The following ZNF91 variants were observed in gnomAD, a reference collection of about 807,000 sequenced individuals.
The protein encoded by ZNF91 is zinc finger protein 91 (HPF7, HTF10).
In ZNF91, 7 loss-of-function variants were observed where a neutral mutation model predicts 12.6. The observed-to-expected ratio is 0.55, with a 90% CI of 0.31 to 1.04. The LOEUF is 1.04. ZNF91 is among the 50% of genes least tolerant of loss of function. The pLI, the probability that ZNF91 is intolerant of heterozygous loss-of-function variation, is 0.05. For missense variants in ZNF91, 1,217 were observed against 1,385.4 expected (o/e 0.88, Z 1.93); for synonymous variants, 453 against 462.6 (o/e 0.98, Z 0.27).
In ZNF91 at chr19:23,395,418, G is replaced by A. The variant is rs73567430; in HGVS notation, c.-64C>T. 1.9e-6 allele frequency: 3 copies of A among 1,594,882 alleles called. No individual in the cohort carries two copies. Among genetic ancestry groups the A allele is most frequent in the Non-Finnish European group, 2.6e-6 (3 of 1,167,054 alleles). Reference sequence around the variant, plus strand: ...CACACAGGCTGGGCCTCCTGGAGCAGAGGACACAGAGCAGTGAAGTCGAGA... The same window carrying A: ...CACACAGGCTGGGCCTCCTGGAGCAAAGGACACAGAGCAGTGAAGTCGAGA... On this transcript the variant is annotated 5_prime_UTR_variant, in exon 1 of 4. Coordinates refer to ENST00000300619, the MANE Select transcript of ZNF91 (RefSeq NM_003430.4).
At chr19:23,393,199 TG>T (rs1331865381) in intron 1 of ZNF91, among the ~76,000 whole-genome samples, 1 of 152,264 alleles carries the variant, frequency 6.6e-6, no homozygotes, top group East Asian at 1.9e-4. Flanking sequence ...AGTATCTGAT[TG>T]GCTGGCCAGC....
chr19:23,320,555 C>T (rs1967667433), intron 1 of ZNF91, among the ~76,000 whole-genome samples: 1 of 152,052 alleles, frequency 6.6e-6, no homozygotes, highest in South Asian at 2.1e-4. Flanking sequence ...AAGGAACTTC[C>T]AACACTTATA....
At chr19:23,357,087 C>A (rs1302945176), downstream of ZNF91, among the ~76,000 whole-genome samples, 2 of 152,100 alleles carry the variant, frequency 1.3e-5, no homozygotes, top group Non-Finnish European at 2.9e-5. Flanking sequence ...ATGAGCCGGG[C>A]GTGGTGATGC....
At chr19:23,325,147 A>G (rs191792938) in intron 1 of ZNF91, 1 of 151,556 alleles carries the variant, frequency 6.6e-6, no homozygotes, top group East Asian at 2.0e-4. Context: ...CAAGCAGGAG[A>G]TAGGCAAGGG....
chr19:23,351,355 G>T (rs1370663998), intron 3 of ZNF91, among the ~76,000 whole-genome samples: 1 of 150,884 alleles, frequency 6.6e-6, no homozygotes, highest in South Asian at 2.1e-4. Flanking sequence ...AGAAAGAAAA[G>T]AAAAGAAAAA....
intron 1 of ZNF91, among the ~76,000 whole-genome samples, chr19:23,329,526 A>T (rs1394032724): frequency 1.3e-5 from 2 of 152,256 alleles, no homozygotes; most frequent in African/African-American, 4.8e-5. Flanking sequence ...AAGTTTATGT[A>T]GTAAACGGAA....
chr19:23,323,748 CTT>C (rs369846360), intron 1 of ZNF91, among the ~76,000 whole-genome samples: 4 of 144,826 alleles, frequency 2.8e-5, no homozygotes, highest in Non-Finnish European at 6.0e-5. Context: ...CTCCTCTCCT[CTT>C]TTTCTCATTC....
chr19:23,379,747 C>T (rs1490245921), intron 1 of ZNF91, among the ~76,000 whole-genome samples: 1 of 152,284 alleles, frequency 6.6e-6, no homozygotes, highest in African/African-American at 2.4e-5. Flanking sequence ...GAATAGGGTG[C>T]TATCTTTTTG....
chr19:23,361,602 C>G lies in ZNF91; in HGVS notation c.1377G>C (p.Glu459Asp), dbSNP rs1968774488. Residue 459 changes from glutamate to aspartate, a missense_variant, in exon 4 of 4, where the codon GAG (glutamate) becomes GAC (aspartate). By Grantham distance (45) the Glu-to-Asp change is conservative. This residue lies in a region of ZNF91 where 726 missense variants were observed against 895.5 expected (regional missense o/e 0.81). Coordinates refer to ENST00000300619, the MANE Select transcript of ZNF91 (RefSeq NM_003430.4). ...LTKHKRFHTR[E>D]KPFKCKECGK... ...CACATTCTTTACATTTGAAGGGTTT[C>G]TCTCTAGTATGAAATCTTTTATGTT... 1 of 1,613,732 alleles carries G rather than the reference C, an allele frequency of 6.2e-7. No homozygotes were observed. Among genetic ancestry groups the G allele is most frequent in the Non-Finnish European group, 8.5e-7 (1 of 1,179,836 alleles).
chr19:23,316,578 C>T (rs1046141568), intron 1 of ZNF91, among the ~76,000 whole-genome samples: 2 of 152,120 alleles, frequency 1.3e-5, no homozygotes, highest in Admixed American at 6.5e-5. Flanking sequence ...ATTCCTGGCC[C>T]AGAATACAGG....
In ZNF91 at chr19:23,359,649, T is replaced by A; in HGVS notation, c.3330A>T (p.Glu1110Asp). Residue 1110 changes from glutamate to aspartate, a missense_variant, in exon 4 of 4, where the codon GAA becomes GAT. Physicochemically the swap from Glu to Asp is conservative, Grantham distance 45. Transcript: ENST00000300619. ...AGGACTCTTTAAAGGCTTTGCCACATTCTCCACATTTGTAGGGTTTCTCTC... is the reference window on the plus strand; with the variant it reads ...AGGACTCTTTAAAGGCTTTGCCACAATCTCCACATTTGTAGGGTTTCTCTC... ...HTGEKPYKCG[E>D]CGKAFKESSA... 3.7e-6 allele frequency: 6 copies of A among 1,614,120 alleles called. No homozygotes were observed. The highest frequency in any genetic ancestry group is 5.1e-6 in the Non-Finnish European group (6 of 1,179,994).
At chr19:23,374,917 G>A (rs1256719202) in intron 1 of ZNF91, among the ~76,000 whole-genome samples, 153 bp from the exon 2 acceptor site, 2 of 152,120 alleles carry the variant, frequency 1.3e-5, no homozygotes, top group South Asian at 2.1e-4. Flanking sequence ...ACACACAAAC[G>A]TTTTGTAATG....
At chr19:23,354,902 C>T (rs555442672), downstream of ZNF91, among the ~76,000 whole-genome samples, 4 of 151,952 alleles carry the variant, frequency 2.6e-5, no homozygotes, top group South Asian at 2.1e-4. Context: ...ATATACCTAA[C>T]GAAGGAGTCG....
chr19:23,371,547 T>C (rs1045106261), intron 3 of ZNF91, among the ~76,000 whole-genome samples: 2 of 152,100 alleles, frequency 1.3e-5, no homozygotes, highest in African/African-American at 2.4e-5. Flanking sequence ...AAAATTATAA[T>C]ACATAAGTAA....
chr19:23,315,790 A>T (rs944019665), intron 1 of ZNF91, among the ~76,000 whole-genome samples: 4 of 152,138 alleles, frequency 2.6e-5, no homozygotes, highest in Non-Finnish European at 4.4e-5. Context: ...CCCCTCACCA[A>T]GGTCATGTGA....
At chr19:23,338,883 C>T (rs1430544808) in exon 4 of ZNF91, 1 of 151,992 alleles carries the variant, frequency 6.6e-6, no homozygotes, top group Non-Finnish European at 1.5e-5. Flanking sequence ...GAAACCCCGT[C>T]TCTTCTGAAA....
intron 1 of ZNF91, among the ~76,000 whole-genome samples, chr19:23,332,512 C>T (rs575263341): frequency 3.3e-5 from 5 of 152,028 alleles, no homozygotes; most frequent in South Asian, 2.1e-4. Context: ...TGACCCCTGC[C>T]GGACTACCTA....
At chr19:23,381,346 C>T (rs1362151803) in intron 1 of ZNF91, among the ~76,000 whole-genome samples, 3 of 152,030 alleles carry the variant, frequency 2.0e-5, no homozygotes, top group Non-Finnish European at 2.9e-5. Context: ...TATATGAATG[C>T]AGGTTGTCTA....
At chr19:23,390,112 T>C (rs1335629422) in intron 1 of ZNF91, among the ~76,000 whole-genome samples, 4 of 151,304 alleles carry the variant, frequency 2.6e-5, no homozygotes, top group South Asian at 2.1e-4. Context: ...AGATCAGGAG[T>C]TCAAGACCAG....
Sources: allele counts gnomAD v4.1 joint callset (sites outside exome capture counted in the v4.1 genomes callset), GRCh38; gene constraint gnomAD v4.1.1; regional missense constraint gnomAD v4.1.1; transcripts MANE v1.5; gene names NCBI Gene and HGNC (gene_info 2026-07-23, HGNC 2026-07-21).